CBX5: variants seen among roughly 807,000 people sequenced by gnomAD.
CBX5 encodes the protein chromobox 5, also known as chromobox protein homolog 5.
In CBX5, 7 loss-of-function variants were observed where a neutral mutation model predicts 20.7. The ratio of observed to expected loss-of-function variants is 0.34; its 90% confidence interval spans 0.19 to 0.63. The LOEUF is 0.63. Ranked by LOEUF, CBX5 falls within the 30% of genes least tolerant of loss-of-function variation. The probability of loss-of-function intolerance (pLI) is 0.75; values close to 1 mark genes in which losing one functional copy is unlikely to be tolerated. For missense variants in CBX5, 110 were observed against 224.1 expected (o/e 0.49, Z 3.25); for synonymous variants, 78 against 77.0 (o/e 1.01, Z -0.07).
Position 54,252,037 on chromosome 12 carries a change from T to G in CBX5, c.324+4A>C. The G allele has an allele frequency of 3.2e-6, 5 of 1,562,348 alleles. No homozygotes were observed. The highest frequency in any genetic ancestry group is 4.3e-6 in the Non-Finnish European group (5 of 1,159,670). On this transcript the variant is annotated splice_donor_region_variant and intron_variant, in intron 3 of 4. Transcript: ENST00000209875. ...TTTTTGGGGAAAAGGGAAAGGAAGC[T>G]TACCTCTCTCTTTTTTTTAGATTTG...
intron 1 of CBX5, among the ~76,000 whole-genome samples, chr12:54,275,348 TCTC>T (rs575057831): frequency 4.4e-4 from 67 of 152,136 alleles, no homozygotes; most frequent in African/African-American, 1.6e-3. Context: ...GCTCAGCAAT[TCTC>T]CTGCCTCAGC....
chr12:54,250,775 G>A (rs1274257703), intron 3 of CBX5, among the ~76,000 whole-genome samples: 1 of 110,030 alleles, frequency 9.1e-6, no homozygotes, highest in Non-Finnish European at 1.7e-5. Flanking sequence ...ACTGCAGTCC[G>A]CAGTCCGGCC....
At chr12:54,245,990 A>T (rs1943731633) in intron 4 of CBX5, 125 bp downstream of exon 4, 1 of 716,678 alleles carries the variant, frequency 1.4e-6, no homozygotes, top group Non-Finnish European at 2.5e-6. Context: ...TCTCAAAAAA[A>T]GAAAGATCTC....
Position 54,235,852 on chromosome 12 carries a change from A to G in CBX5, c.*5903T>C, listed in dbSNP as rs1310756356. Reference sequence around the variant, plus strand: ...AAGTGTCCATGAGGAATATGTTGTTATAGAACCCACAATAATGTAACACAA... The same window carrying G: ...AAGTGTCCATGAGGAATATGTTGTTGTAGAACCCACAATAATGTAACACAA... On this transcript the variant is annotated 3_prime_UTR_variant, in exon 5 of 5. Transcript: ENST00000209875. 3 of 152,240 alleles carry G rather than the reference A, an allele frequency of 2.0e-5. No individual in the cohort carries two copies. Among genetic ancestry groups the G allele is most frequent in the Admixed American group, 2.0e-4 (3 of 15,290 alleles). The allele number at this position is 152,240 out of a possible 1,614,324, so 9.4% of individuals were successfully genotyped here. A position where few individuals can be genotyped will look rare whatever the true frequency, so the allele number is the denominator to read the frequency against.
intron 3 of CBX5, among the ~76,000 whole-genome samples, chr12:54,247,862 A>G (rs905859967): frequency 2.1e-5 from 3 of 141,266 alleles, no homozygotes; most frequent in African/African-American, 8.0e-5. Context: ...TTTTTTTGAG[A>G]CAGAGTCTTG....
intron 1 of CBX5, chr12:54,278,855 T>TA (rs1944097164): frequency 6.6e-6 from 1 of 152,208 alleles, no homozygotes; most frequent in East Asian, 1.9e-4. Context: ...AGAGGGACTT[T>TA]AGGATATCTT....
rs76697842 is a variant in CBX5, at chr12:54,262,421, G to A, written c.-42-4729C>T. ...CGAGGTCCTTTTCTTTTTGGGAAATGGGTTTTGTAACCACTGACAAATCGA... is the reference window on the plus strand; with the variant it reads ...CGAGGTCCTTTTCTTTTTGGGAAATAGGTTTTGTAACCACTGACAAATCGA... On this transcript the variant is annotated intron_variant, in intron 1 of 4. Transcript: ENST00000209875. 4.5e-3 allele frequency among the ~76,000 whole-genome samples: 680 copies of A among 152,346 alleles called. 6 individuals carry two copies. The highest frequency in any genetic ancestry group is 0.016 in the African/African-American group (650 of 41,584).
intron 2 of CBX5, among the ~76,000 whole-genome samples, chr12:54,253,034 G>T (rs1378546109): frequency 6.6e-6 from 1 of 151,694 alleles, no homozygotes; most frequent in Non-Finnish European, 1.5e-5. Context: ...CTGAGGGAGG[G>T]AGTTGTAATT....
At chr12:54,242,856 A>AG (rs960920927) in intron 4 of CBX5, among the ~76,000 whole-genome samples, 13 of 151,842 alleles carry the variant, frequency 8.6e-5, no homozygotes, top group Non-Finnish European at 1.6e-4. Context: ...CAGGTGCAGC[A>AG]GCTCATGCCT....
At position 54,266,851 on chromosome 12, in the gene CBX5, A is replaced by G. The variant is rs371794199; in HGVS notation, c.-42-9159T>C. On this transcript the variant is annotated intron_variant, in intron 1 of 4. Coordinates refer to ENST00000209875, the MANE Select transcript of CBX5 (RefSeq NM_012117.3). ...CTCTCAACTATCAGTTTTCAGAAAC[A>G]CGCATTCTATTTTATAGAATAAGAT... Among the ~76,000 whole-genome samples the G allele has an allele frequency of 3.4e-3, 523 of 152,294 alleles. 2 individuals carry two copies. The highest frequency in any genetic ancestry group is 0.012 in the African/African-American group (489 of 41,536).
At chr12:54,241,939 G>A (rs1258506989) in intron 4 of CBX5, 34 bp from the exon 5 acceptor site, 1 of 1,598,952 alleles carries the variant, frequency 6.3e-7, no homozygotes, top group East Asian at 2.2e-5. Flanking sequence ...TAAAAGGAGA[G>A]GAAGAGTGAA....
rs543716466 is a variant in CBX5, at chr12:54,240,575, G to T, written c.*1180C>A. 3.3e-5 allele frequency: 5 copies of T among 151,960 alleles called. No homozygotes were observed. The highest frequency in any genetic ancestry group is 2.6e-4 in the Admixed American group (4 of 15,270). 9.4% of individuals were successfully genotyped at this position (151,960 alleles called of 1,614,324 possible). On this transcript the variant is annotated 3_prime_UTR_variant, in exon 5 of 5. Transcript: ENST00000209875. Reference sequence around the variant, plus strand: ...AGATACAACTATAAGTTTGAGGGTAGAAAAAGGGAAGAGCATTAATATTTT... The same window carrying T: ...AGATACAACTATAAGTTTGAGGGTATAAAAAGGGAAGAGCATTAATATTTT...
At chr12:54,274,417 G>A (rs1056524320) in intron 1 of CBX5, 2 of 152,168 alleles carry the variant, frequency 1.3e-5, no homozygotes, top group African/African-American at 4.8e-5. Flanking sequence ...TTCACGAATA[G>A]CAGATATGTA....
chr12:54,237,391 A>C lies in CBX5; in HGVS notation c.*4364T>G, dbSNP rs1943634140. The C allele has an allele frequency of 6.6e-6, 1 of 152,252 alleles. No homozygotes were observed. Among genetic ancestry groups the C allele is most frequent in the Non-Finnish European group, 1.5e-5 (1 of 68,046 alleles). The allele number at this position is 152,252 out of a possible 1,614,324, so 9.4% of individuals were successfully genotyped here. ...AAATGCAGTTGATAAACTAGAAAGC[A>C]ATCATCAACTAATTGCAGACTATAA... On this transcript the variant is annotated 3_prime_UTR_variant, in exon 5 of 5. Transcript: ENST00000209875.
chr12:54,273,804 A>G (rs1247002460), intron 1 of CBX5: 1 of 152,220 alleles, frequency 6.6e-6, no homozygotes, highest in Non-Finnish European at 1.5e-5. Context: ...TGAGAAGAAT[A>G]AATTCCTCTT....
At chr12:54,269,182 C>G (rs1943985298) in intron 1 of CBX5, among the ~76,000 whole-genome samples, 1 of 151,788 alleles carries the variant, frequency 6.6e-6, no homozygotes. Context: ...ATCGCTTGAA[C>G]CCCCCAGGAG....
intron 1 of CBX5, chr12:54,272,652 G>C (rs908147935): frequency 6.6e-6 from 1 of 152,086 alleles, no homozygotes; most frequent in African/African-American, 2.4e-5. Flanking sequence ...ATACCCCAAG[G>C]AGTTGACAGT....
chr12:54,245,051 G>A (rs1484843709), intron 4 of CBX5, among the ~76,000 whole-genome samples: 4 of 150,690 alleles, frequency 2.7e-5, no homozygotes, highest in South Asian at 2.1e-4. Flanking sequence ...TTGCTCTGTC[G>A]TTCAGGCAGG....
rs1217093126 is a variant in CBX5 at position 54,252,068 on chromosome 12, A to T, written c.297T>A (p.Asp99Glu). 1 of 1,608,490 alleles carries T rather than the reference A, an allele frequency of 6.2e-7. No homozygotes were observed. The highest frequency in any genetic ancestry group is 1.7e-5 in the Admixed American group (1 of 59,274). The change falls in exon 3 of 5, where the codon GAT becomes GAA. Residue 99 changes from aspartate (D) to glutamate (E), a missense_variant. Asp to Glu is a conservative substitution (Grantham distance 45). Coordinates refer to ENST00000209875, the MANE Select transcript of CBX5 (RefSeq NM_012117.3). ...CTCTCTTTTTTTTAGATTTGATGTC[A>T]TCGGCACTGTTTGAGAAATTGGATT... Reference protein sequence around the residue: ...KRKSNFSNSADDIKSKKKREQ... With the variant: ...KRKSNFSNSAEDIKSKKKREQ...
Sources: allele counts gnomAD v4.1 joint callset (sites outside exome capture counted in the v4.1 genomes callset), GRCh38; gene constraint gnomAD v4.1.1; transcripts MANE v1.5; gene names NCBI Gene and HGNC (gene_info 2026-07-23, HGNC 2026-07-21).